THBS4: variants seen among roughly 807,000 people sequenced by gnomAD.
THBS4 encodes the protein thrombospondin-4.
Under a neutral mutation model 115.7 loss-of-function variants are expected in THBS4, and 90 were observed. The ratio of observed to expected loss-of-function variants is 0.78; its 90% CI spans 0.66 to 0.93. The LOEUF is 0.93. Among genes scored for constraint, THBS4 ranks in the 40% least tolerant of loss-of-function variants. The pLI, the probability that THBS4 is intolerant of heterozygous loss-of-function variation, is 0.00. For synonymous variants in THBS4, 460 were observed against 479.3 expected, an observed-to-expected ratio of 0.96 and a Z score of 0.53; for missense variants, 1,087 against 1,232.7, an observed-to-expected ratio of 0.88 and a Z score of 1.77.
intron 2 of THBS4, among the ~76,000 whole-genome samples, chr5:80,054,186 G>A (rs1322313656): frequency 2.9e-5 from 4 of 137,162 alleles, no homozygotes; most frequent in Non-Finnish European, 6.1e-5. Context: ...AGACAGGATC[G>A]CTCTTTTGCC....
Position 80,055,855 on chromosome 5 carries a change from C to G in THBS4, c.363C>G (p.Asp121Glu). The G allele has an allele frequency of 6.2e-7, 1 of 1,614,154 alleles. No individual in the cohort carries two copies. Among genetic ancestry groups the G allele is most frequent in the Non-Finnish European group, 8.5e-7 (1 of 1,180,008 alleles). ...TTTTCAACAACCTGCAGCTGGCAGA[C>G]GGAAGGCGGCACAGGATCCTCCTGA... is the stretch of plus-strand genomic sequence containing the variant. ...LVVFNNLQLA[D>E]GRRHRILLRL... Residue 121 changes from aspartate to glutamate, a missense_variant, in exon 3 of 22, where the codon GAC (aspartate) becomes GAG (glutamate). Asp to Glu is a conservative substitution (Grantham distance 45). Coordinates refer to ENST00000350881, the MANE Select transcript of THBS4 (RefSeq NM_003248.6).
rs542380267 is a variant in THBS4, at chr5:80,068,412, T to G, written c.1347+287T>G. 2.2e-3 allele frequency: 799 copies of G among 358,574 alleles called. 9 individuals are homozygous for G. The highest frequency in any genetic ancestry group is 1.9e-3 in the South Asian group (61 of 31,528). 22.2% of individuals were successfully genotyped at this position (358,574 alleles called of 1,614,324 possible). On this transcript the variant is annotated intron_variant, in intron 10 of 21. Transcript: ENST00000350881. ...GTGAAGCCCCAGCTCCCAAGCACCT[T>G]CTATGGAAAGGCCCAGAAGCCAGCA... is the stretch of plus-strand genomic sequence containing the variant.
intron 21 of THBS4, 108 bp downstream of exon 21, chr5:80,082,653 CAT>C (rs1743579828): frequency 1.2e-5 from 16 of 1,367,104 alleles, no homozygotes; most frequent in Admixed American, 2.0e-5. Flanking sequence ...GCTCATACCA[CAT>C]AGTCATTAAA....
chr5:80,040,308 T>A, intron 2 of THBS4, 28 bp downstream of exon 2: 2 of 1,558,962 alleles, frequency 1.3e-6, no homozygotes, highest in Non-Finnish European at 1.8e-6. Flanking sequence ...AATTATTTTC[T>A]TAAAAATCTC....
At chr5:80,054,521 A>G (rs990252336) in intron 2 of THBS4, among the ~76,000 whole-genome samples, 6 of 151,912 alleles carry the variant, frequency 3.9e-5, no homozygotes, top group African/African-American at 1.5e-4. Context: ...GGGTTTCACC[A>G]TATTGGTCAG....
Position 80,035,514 on chromosome 5 carries a change from T to C in THBS4, c.-24T>C, listed in dbSNP as rs1832685695. ...GCCAACGCCGCCGTCGCCCCCGGCC[T>C]CGCGGGGAGCAGGAAGAGCCAACAT... On this transcript the variant is annotated 5_prime_UTR_variant, in exon 1 of 22. Transcript: ENST00000350881. This position sits in a 1 kb window ranked among gnomAD's most constrained non-coding sequence, Gnocchi z 4.6. 1.5e-6 allele frequency: 2 copies of C among 1,321,824 alleles called. No homozygotes were observed. Among genetic ancestry groups the C allele is most frequent in the Non-Finnish European group, 1.9e-6 (2 of 1,034,928 alleles). The allele number at this position is 1,321,824 out of a possible 1,614,324, so 81.9% of individuals were successfully genotyped here.
intron 20 of THBS4, among the ~76,000 whole-genome samples, chr5:80,081,374 C>T (rs562885238): frequency 2.6e-5 from 4 of 152,140 alleles, no homozygotes; most frequent in Non-Finnish European, 4.4e-5. Context: ...ATAGAAATTA[C>T]AACCTACCTA....
chr5:80,026,007 C>A (rs1434237426), intron 2 of THBS4, among the ~76,000 whole-genome samples: 1 of 152,164 alleles, frequency 6.6e-6, no homozygotes, highest in Non-Finnish European at 1.5e-5. Context: ...GTCGGAAAGT[C>A]ATTTTTAACT....
intron 2 of THBS4, among the ~76,000 whole-genome samples, chr5:80,027,525 C>G (rs2111997595): frequency 6.6e-6 from 1 of 152,284 alleles, no homozygotes; most frequent in South Asian, 2.1e-4. Context: ...ATTACACCGA[C>G]AGACTTCATT....
At chr5:80,046,087 T>C (rs1833057141) in intron 2 of THBS4, among the ~76,000 whole-genome samples, 1 of 152,146 alleles carries the variant, frequency 6.6e-6, no homozygotes, top group Non-Finnish European at 1.5e-5. Context: ...ATGTTCAGAA[T>C]AAGATATGGA....
chr5:80,079,098 C>T lies in THBS4; in HGVS notation c.2351C>T (p.Thr784Ile), dbSNP rs756053670. The T allele has an allele frequency of 1.2e-6, 2 of 1,613,816 alleles. No individual in the cohort carries two copies. The highest frequency in any genetic ancestry group is 1.3e-5 in the African/African-American group (1 of 74,908). ...TAFNGVDFEGTFHVNTQTDDD... is the reference protein window; with the variant it reads ...TAFNGVDFEGIFHVNTQTDDD... ...TTTAATGGAGTTGACTTCGAAGGGA[C>T]CTTCCATGTGAATACCCAGACAGAT... Residue 784 changes from threonine to isoleucine, a missense_variant, in exon 19 of 22, where the codon ACC becomes ATC. This residue lies in a region of THBS4 where 979 missense variants were observed against 1,103.7 expected (regional missense o/e 0.89). Coordinates refer to ENST00000350881, the MANE Select transcript of THBS4 (RefSeq NM_003248.6).
chr5:80,083,002 G>A lies in THBS4; in HGVS notation c.2825-78G>A, dbSNP rs543460574. On this transcript the variant is annotated intron_variant, in intron 21 of 21. Coordinates refer to ENST00000350881, the MANE Select transcript of THBS4 (RefSeq NM_003248.6). ...GGGCTAACAGCGCCCCCTACAGGACGCCTGAGCCGCGGGCGGGGGTCCGGG... is the reference window on the plus strand; with the variant it reads ...GGGCTAACAGCGCCCCCTACAGGACACCTGAGCCGCGGGCGGGGGTCCGGG... 170 of 1,345,784 alleles carry A rather than the reference G, an allele frequency of 1.3e-4. No individual in the cohort carries two copies. In the East Asian group the frequency reaches 3.8e-3, roughly 30 times the overall value. The allele number at this position is 1,345,784 out of a possible 1,614,324, so 83.4% of individuals were successfully genotyped here. A position where few individuals can be genotyped will look rare whatever the true frequency, so the allele number is the denominator to read the frequency against.
At chr5:80,006,308 G>T (rs1311179703) in intron 2 of THBS4, among the ~76,000 whole-genome samples, 1 of 152,136 alleles carries the variant, frequency 6.6e-6, no homozygotes, top group Admixed American at 6.6e-5. Flanking sequence ...AATCATGGGG[G>T]TGCTTTCCCC....
chr5:80,052,247 A>G (rs946013198), intron 2 of THBS4: 7 of 152,202 alleles, frequency 4.6e-5, no homozygotes, highest in African/African-American at 1.7e-4. Context: ...TGCAGTTACT[A>G]TTGTAAATTC....
intron 2 of THBS4, among the ~76,000 whole-genome samples, chr5:80,025,026 GA>G (rs1832447747): frequency 6.6e-6 from 1 of 152,104 alleles, no homozygotes; most frequent in African/African-American, 2.4e-5. Flanking sequence ...AGTACCTGCT[GA>G]AAAAATTGGT....
intron 2 of THBS4, chr5:80,053,138 A>G (rs1326322966): frequency 6.6e-6 from 1 of 152,184 alleles, no homozygotes; most frequent in African/African-American, 2.4e-5. Flanking sequence ...CTAGGTATGT[A>G]TGTATACATA....
chr5:80,069,696 CGTGGATCAGCCTT>C (rs1247776604), intron 10 of THBS4, among the ~76,000 whole-genome samples: 1 of 152,232 alleles, frequency 6.6e-6, no homozygotes, highest in African/African-American at 2.4e-5. Context: ...GGATCAGCCT[CGTGGATCAGCCTT>C]CCAGGCCTTC....
chr5:80,046,732 G>C (rs1007122656), intron 2 of THBS4, among the ~76,000 whole-genome samples: 1 of 152,112 alleles, frequency 6.6e-6, no homozygotes, highest in Admixed American at 6.6e-5. Flanking sequence ...AAAAAAGAAC[G>C]AGCTAGGTAA....
intron 2 of THBS4, among the ~76,000 whole-genome samples, chr5:80,013,683 G>T (rs1261068708): frequency 6.6e-6 from 1 of 152,098 alleles, no homozygotes; most frequent in Non-Finnish European, 1.5e-5. Context: ...ACAGGTCTGG[G>T]TTTAAACCCC....
Sources: allele counts gnomAD v4.1 joint callset (sites outside exome capture counted in the v4.1 genomes callset), GRCh38; gene constraint gnomAD v4.1.1; regional missense constraint gnomAD v4.1.1; non-coding constraint Gnocchi (gnomAD v3.1); transcripts MANE v1.5; gene names NCBI Gene and HGNC (gene_info 2026-07-23, HGNC 2026-07-21).